Variants in PRSS23 observed in about 807,000 individuals in gnomAD.
PRSS23 encodes serine protease 23, also known as protease, serine 23.
PRSS23 carries 25 observed loss-of-function variants against 34.7 expected under a neutral mutation model. The observed-to-expected ratio is 0.72, with a 90% CI of 0.53 to 1.01. The LOEUF is 1.01. Ranked by LOEUF, PRSS23 falls within the 50% of genes least tolerant of loss-of-function variation. The probability of loss-of-function intolerance (pLI) is 0.00; values close to 1 mark genes in which losing one functional copy is unlikely to be tolerated. For synonymous variants in PRSS23, 176 were observed against 186.6 expected, an observed-to-expected ratio of 0.94 and a Z score of 0.46; for missense variants, 445 against 475.6, an observed-to-expected ratio of 0.94 and a Z score of 0.60.
chr11:86,927,183 A>C (rs959737797), intron 2 of PRSS23, among the ~76,000 whole-genome samples: 3 of 152,152 alleles, frequency 2.0e-5, no homozygotes, highest in Non-Finnish European at 4.4e-5. Flanking sequence ...AGAGGAGGAG[A>C]GTAGTCAGAG....
At chr11:86,924,627 T>A (rs771189855) in intron 2 of PRSS23, among the ~76,000 whole-genome samples, 20 of 152,186 alleles carry the variant, frequency 1.3e-4, no homozygotes, top group Non-Finnish European at 2.4e-4. Context: ...TTTACTCAAC[T>A]GGAAAAGAAA....
At chr11:86,831,787 G>A (rs899402660) in intron 2 of PRSS23, among the ~76,000 whole-genome samples, 6 of 151,828 alleles carry the variant, frequency 4.0e-5, no homozygotes, top group African/African-American at 1.5e-4. Flanking sequence ...ATATTCTAGA[G>A]AGATGTTACT....
At position 86,942,140 on chromosome 11, in the gene PRSS23, G is replaced by T. The variant is rs79231409; in HGVS notation, c.207-9076G>T. On this transcript the variant is annotated intron_variant, in intron 2 of 2. Transcript: ENST00000533902. ...CAGTGCAAGGAAGGCTCCCAGAGTT[G>T]AATGCACAGAGGCTTAAACCTACCT... is the stretch of plus-strand genomic sequence containing the variant. Among the ~76,000 whole-genome samples the T allele has an allele frequency of 6.3e-3, 958 of 152,316 alleles. 16 individuals are homozygous for T. The highest frequency in any genetic ancestry group is 0.022 in the African/African-American group (927 of 41,556).
At chr11:86,860,802 T>C (rs144025645) in intron 2 of PRSS23, among the ~76,000 whole-genome samples, 5 of 151,948 alleles carry the variant, frequency 3.3e-5, no homozygotes, top group Admixed American at 3.3e-4. Flanking sequence ...CTGCCCTCAG[T>C]ATCGCGGGAA....
intron 2 of PRSS23, among the ~76,000 whole-genome samples, chr11:86,914,568 A>C (rs545810878): frequency 5.3e-5 from 8 of 152,350 alleles, no homozygotes; most frequent in African/African-American, 1.9e-4. Flanking sequence ...TAATTAATCT[A>C]TATTTTGTTT....
intron 2 of PRSS23, among the ~76,000 whole-genome samples, chr11:86,890,468 A>C (rs918381458): frequency 9.9e-5 from 15 of 152,216 alleles, no homozygotes; most frequent in African/African-American, 3.6e-4. Context: ...CATGTAGGGT[A>C]AATGCACCTG....
chr11:86,839,524 C>T (rs971013824), intron 2 of PRSS23, among the ~76,000 whole-genome samples: 1 of 152,178 alleles, frequency 6.6e-6, no homozygotes, highest in Non-Finnish European at 1.5e-5. Context: ...TTAGAAAACA[C>T]TCTTCAGGAT....
intron 2 of PRSS23, among the ~76,000 whole-genome samples, chr11:86,943,113 G>A (rs975614982): frequency 6.6e-6 from 1 of 152,220 alleles, no homozygotes; most frequent in African/African-American, 2.4e-5. Flanking sequence ...AGCTCCCATT[G>A]GGGGAAGGTG....
At chr11:86,889,432 G>T (rs1948826593) in intron 2 of PRSS23, among the ~76,000 whole-genome samples, 1 of 152,194 alleles carries the variant, frequency 6.6e-6, no homozygotes, top group East Asian at 1.9e-4. Flanking sequence ...CAGGTTTGGT[G>T]TCTTGCAAGA....
At chr11:86,951,419 A>C in exon 3 of PRSS23, 1 of 1,612,876 alleles carries the variant, frequency 6.2e-7, no homozygotes, top group Non-Finnish European at 8.5e-7. Flanking sequence ...CGTTGCAGGA[A>C]CTGTGTACAG....
At chr11:86,870,634 C>A (rs573457287) in intron 2 of PRSS23, among the ~76,000 whole-genome samples, 2 of 152,138 alleles carry the variant, frequency 1.3e-5, no homozygotes, top group Non-Finnish European at 2.9e-5. Context: ...ATTACATATA[C>A]CTTATATCAC....
chr11:86,913,853 C>A (rs1166979607), intron 2 of PRSS23, among the ~76,000 whole-genome samples: 3 of 151,152 alleles, frequency 2.0e-5, no homozygotes, highest in Non-Finnish European at 4.4e-5. Context: ...AGTGATAGGA[C>A]AACAGGGTAG....
Position 86,811,192 on chromosome 11 carries a change from G to C in PRSS23, c.*2397G>C, listed in dbSNP as rs1408315344. The stretch of plus-strand genomic sequence containing the variant: ...ACCTGTTGTAAAGGGACAAGTTGAG[G>C]TTGTAAAATCTGCATTTAAATAAAC... On this transcript the variant is annotated 3_prime_UTR_variant, in exon 2 of 2. Transcript: ENST00000280258. 6.0e-6 allele frequency: 1 copy of C among 167,188 alleles called. No individual in the cohort carries two copies. The highest frequency in any genetic ancestry group is 2.4e-5 in the African/African-American group (1 of 41,574). 10.4% of individuals were successfully genotyped at this position (167,188 alleles called of 1,614,324 possible).
intron 1 of PRSS23, among the ~76,000 whole-genome samples, chr11:86,816,854 T>C (rs185698758): frequency 1.3e-5 from 2 of 152,386 alleles, no homozygotes; most frequent in East Asian, 3.9e-4. Flanking sequence ...AGCCTCTTTA[T>C]GCTTTGTTTT....
chr11:86,863,067 T>C (rs975511343), intron 2 of PRSS23, among the ~76,000 whole-genome samples: 9 of 152,134 alleles, frequency 5.9e-5, no homozygotes, highest in Non-Finnish European at 1.0e-4. Flanking sequence ...TTTTGTAATA[T>C]CCTAGAAAGC....
intron 2 of PRSS23, among the ~76,000 whole-genome samples, chr11:86,931,633 T>C (rs978713321): frequency 6.6e-6 from 1 of 152,126 alleles, no homozygotes; most frequent in African/African-American, 2.4e-5. Flanking sequence ...GATGGAAATA[T>C]TGTATCTCTT....
chr11:86,879,531 C>T (rs1348083357), intron 2 of PRSS23, among the ~76,000 whole-genome samples: 5 of 143,368 alleles, frequency 3.5e-5, no homozygotes, highest in South Asian at 2.3e-4. Context: ...CCAGCCGCCC[C>T]GTCCGGGAGG....
At chr11:86,950,225 T>C (rs553868043) in intron 2 of PRSS23, 5 of 152,646 alleles carry the variant, frequency 3.3e-5, no homozygotes, top group South Asian at 2.1e-4. Flanking sequence ...AAGTAAAATA[T>C]ATTAAGTCCC....
chr11:86,841,973 C>T (rs1276839347), intron 2 of PRSS23, among the ~76,000 whole-genome samples: 1 of 152,046 alleles, frequency 6.6e-6, no homozygotes, highest in African/African-American at 2.4e-5. Flanking sequence ...GGCAGAGACA[C>T]AACAAAAAAA....
Sources: gnomAD v4.1 joint callset for allele counts (sites outside exome capture counted in the v4.1 genomes callset) on GRCh38, gnomAD v4.1.1 for gene constraint, MANE v1.5 for transcripts, NCBI Gene and HGNC (gene_info 2026-07-23, HGNC 2026-07-21) for gene names.